The following ANKS1B variants were observed in gnomAD, a reference collection of about 807,000 sequenced individuals.
ANKS1B encodes the protein ankyrin repeat and sterile alpha motif domain-containing protein 1B.
Under a neutral mutation model 148.3 loss-of-function variants are expected in ANKS1B, and 36 were observed. That is an observed-to-expected ratio of 0.24 (90% CI 0.19 to 0.32). The LOEUF is 0.32. Ranked by LOEUF, ANKS1B falls within the 10% of genes least tolerant of loss-of-function variation. The pLI, the probability that ANKS1B is intolerant of heterozygous loss-of-function variation, is 1.00. For missense variants in ANKS1B, 1,157 were observed against 1,542.6 expected, an observed-to-expected ratio of 0.75 and a Z score of 4.19; for synonymous variants, 542 against 560.8, an observed-to-expected ratio of 0.97 and a Z score of 0.47.
intron 9 of ANKS1B, among the ~76,000 whole-genome samples, chr12:99,539,311 C>T (rs546124357): frequency 1.2e-3 from 184 of 152,034 alleles, no homozygotes; most frequent in African/African-American, 4.4e-3. Flanking sequence ...TGTTGATGTG[C>T]TTATATGAAG....
chr12:98,734,978 T>C, exon 10 of ANKS1B: 1 of 384,694 alleles, frequency 2.6e-6, no homozygotes. Flanking sequence ...CCAGGTGCGG[T>C]GGCACGTGCC....
intron 14 of ANKS1B, among the ~76,000 whole-genome samples, chr12:99,166,409 ATAAG>A (rs1371022773): frequency 6.6e-6 from 1 of 151,962 alleles, no homozygotes; most frequent in Non-Finnish European, 1.5e-5. Flanking sequence ...ACAAGAAATA[ATAAG>A]TGAGTTTAGC....
At chr12:99,409,717 A>G (rs2094627703) in intron 11 of ANKS1B, among the ~76,000 whole-genome samples, 1 of 152,200 alleles carries the variant, frequency 6.6e-6, no homozygotes, top group Admixed American at 6.5e-5. Flanking sequence ...GGGAGAAAAG[A>G]ATAAAGAGAT....
chr12:99,935,371 A>C (rs1158303516), intron 1 of ANKS1B, among the ~76,000 whole-genome samples: 1 of 151,660 alleles, frequency 6.6e-6, no homozygotes, highest in Admixed American at 6.6e-5. Flanking sequence ...AAAAAAAAAA[A>C]ACTATACAGT....
At chr12:99,710,417 C>A (rs1406854464) in intron 8 of ANKS1B, among the ~76,000 whole-genome samples, 1 of 151,956 alleles carries the variant, frequency 6.6e-6, no homozygotes, top group African/African-American at 2.4e-5. Context: ...GCTTGAGTAA[C>A]CTATAGTTTA....
chr12:99,916,340 G>A (rs1416327740), intron 1 of ANKS1B, among the ~76,000 whole-genome samples: 1 of 152,156 alleles, frequency 6.6e-6, no homozygotes, highest in African/African-American at 2.4e-5. Context: ...TTGGATATAG[G>A]CTCTAAGCTG....
At chr12:99,613,290 T>C (rs2097917790) in intron 9 of ANKS1B, among the ~76,000 whole-genome samples, 1 of 152,144 alleles carries the variant, frequency 6.6e-6, no homozygotes, top group Non-Finnish European at 1.5e-5. Context: ...TGGAAGACAG[T>C]GTGATGATTT....
At chr12:99,716,911 C>T (rs1041424791) in intron 8 of ANKS1B, among the ~76,000 whole-genome samples, 1 of 152,132 alleles carries the variant, frequency 6.6e-6, no homozygotes, top group Non-Finnish European at 1.5e-5. Flanking sequence ...ATCCTTTTAT[C>T]ACCTCCCTTC....
chr12:99,024,132 C>G (rs2099947410), intron 17 of ANKS1B, among the ~76,000 whole-genome samples: 1 of 152,000 alleles, frequency 6.6e-6, no homozygotes, highest in Non-Finnish European at 1.5e-5. Context: ...TCTTTATTCT[C>G]ATTTCCCACT....
intron 11 of ANKS1B, among the ~76,000 whole-genome samples, chr12:99,402,379 T>C (rs192364822): frequency 1.4e-5 from 2 of 145,802 alleles, no homozygotes; most frequent in East Asian, 1.9e-4. Context: ...GGTAAAGGTG[T>C]GTCATGGGGG....
chr12:99,620,244 A>G (rs966542956), intron 9 of ANKS1B, among the ~76,000 whole-genome samples: 1 of 152,120 alleles, frequency 6.6e-6, no homozygotes, highest in Admixed American at 6.6e-5. Flanking sequence ...AGAAGAGAAA[A>G]TCCTAGATGC....
At chr12:99,714,575 A>C (rs545945667) in intron 8 of ANKS1B, among the ~76,000 whole-genome samples, 2 of 152,136 alleles carry the variant, frequency 1.3e-5, no homozygotes, top group Non-Finnish European at 2.9e-5. Context: ...ATTTGTGATC[A>C]GTGACCTTTG....
intron 17 of ANKS1B, among the ~76,000 whole-genome samples, chr12:99,047,563 GACA>G (rs1465030242): frequency 1.3e-5 from 2 of 152,128 alleles, no homozygotes; most frequent in East Asian, 3.9e-4. Flanking sequence ...CAGTGAAAAA[GACA>G]ACACCTTCAG....
intron 8 of ANKS1B, 126 bp from the exon 9 acceptor site, chr12:99,655,336 G>T: frequency 1.2e-6 from 1 of 800,152 alleles, no homozygotes; most frequent in Non-Finnish European, 1.9e-6. Flanking sequence ...TTTAGCCACA[G>T]TTACATGGCT....
chr12:99,946,425 G>A (rs1384971270), intron 1 of ANKS1B, among the ~76,000 whole-genome samples: 1 of 152,088 alleles, frequency 6.6e-6, no homozygotes, highest in African/African-American at 2.4e-5. Context: ...CCACCTTCTC[G>A]CTGTGTCCTC....
At chr12:98,845,877 T>C (rs945300791) in intron 17 of ANKS1B, among the ~76,000 whole-genome samples, 14 of 151,882 alleles carry the variant, frequency 9.2e-5, no homozygotes, top group Admixed American at 7.9e-4. Context: ...TGTACAAAAT[T>C]TTCAATTAAT....
At chr12:99,929,567 T>C (rs1343049039) in intron 1 of ANKS1B, among the ~76,000 whole-genome samples, 2 of 152,238 alleles carry the variant, frequency 1.3e-5, no homozygotes, top group Non-Finnish European at 2.9e-5. Context: ...CATGAAGTCC[T>C]TGCCCATGCC....
At chr12:99,330,406 A>G (rs1339544811) in intron 12 of ANKS1B, among the ~76,000 whole-genome samples, 1 of 152,004 alleles carries the variant, frequency 6.6e-6, no homozygotes, top group Non-Finnish European at 1.5e-5. Context: ...TGGCCCTGCC[A>G]TCTTTCCAGA....
chr12:99,490,053 T>A (rs751512914), intron 10 of ANKS1B, among the ~76,000 whole-genome samples: 1 of 152,200 alleles, frequency 6.6e-6, no homozygotes, highest in Non-Finnish European at 1.5e-5. Context: ...TAGAGTGCTT[T>A]AAGCTATTAT....
Sources: allele counts gnomAD v4.1 joint callset (sites outside exome capture counted in the v4.1 genomes callset), GRCh38; gene constraint gnomAD v4.1.1; transcripts MANE v1.5; gene names NCBI Gene and HGNC (gene_info 2026-07-23, HGNC 2026-07-21).